The following MME variants were observed in gnomAD, a reference collection of about 807,000 sequenced individuals.
The protein encoded by MME is neprilysin.
MME carries 98 observed loss-of-function variants against 113.2 expected under a neutral mutation model. That is an observed-to-expected ratio of 0.87 (90% CI 0.74 to 1.02). The LOEUF is 1.02. MME is among the 50% of genes least tolerant of loss of function. The pLI, the probability that MME is intolerant of heterozygous loss-of-function variation, is 0.00. For missense variants in MME, 836 were observed against 896.0 expected, an observed-to-expected ratio of 0.93 and a Z score of 0.86; for synonymous variants, 292 against 300.6, an observed-to-expected ratio of 0.97 and a Z score of 0.30.
chr3:155,119,404 C>T lies in MME; in HGVS notation c.720+593C>T, dbSNP rs543052095. ...CTTGCCTCCCTTGGGCTGATGTTCA[C>T]GTGCTCTTTTTTTTTTTTTTTTTTT... On this transcript the variant is annotated intron_variant, in intron 8 of 22. Transcript: ENST00000360490. Among the ~76,000 whole-genome samples the T allele has an allele frequency of 3.7e-5, 5 of 133,826 alleles. No individual in the cohort carries two copies. In the South Asian group the frequency reaches 7.6e-4, roughly 20 times the overall value. The allele number at this position is 133,826 out of a possible 152,430, so 87.8% of individuals were successfully genotyped here.
chr3:155,113,451 T>G (rs1718350467), intron 3 of MME, among the ~76,000 whole-genome samples: 1 of 152,142 alleles, frequency 6.6e-6, no homozygotes, highest in African/African-American at 2.4e-5. Context: ...AGCTAATTTT[T>G]GTATTTTTAG....
At chr3:155,150,680 A>C (rs1721859595) in intron 16 of MME, among the ~76,000 whole-genome samples, 1 of 152,150 alleles carries the variant, frequency 6.6e-6, no homozygotes, top group Admixed American at 6.5e-5. Context: ...TGGAACCCAG[A>C]TACTGGTATT....
chr3:155,138,727 C>T (rs900072360), intron 9 of MME, among the ~76,000 whole-genome samples: 8 of 152,084 alleles, frequency 5.3e-5, no homozygotes, highest in Non-Finnish European at 1.2e-4. Flanking sequence ...GCTGAGCTGA[C>T]GGAGGGTAAG....
In MME at chr3:155,094,962, C is replaced by CT. The variant is rs1716612920; in HGVS notation, c.196+9869dup. On this transcript the variant is annotated intron_variant, in intron 3 of 22. Coordinates refer to ENST00000360490, the MANE Select transcript of MME (RefSeq NM_007289.4). Reference sequence around the variant, plus strand: ...CACTGAGAATGTGCAAAAATGCAGTCTCGGGCTCCGCCTCAGACCTACTGA... The same window carrying CT: ...CACTGAGAATGTGCAAAAATGCAGTCTTCGGGCTCCGCCTCAGACCTACTGA... 3.9e-5 allele frequency among the ~76,000 whole-genome samples: 6 copies of CT among 152,304 alleles called. No homozygotes were observed. The South Asian group carries it at 1.2e-3, about 32-fold the overall frequency.
At chr3:155,160,542 A>G (rs1722643568) in intron 17 of MME, 94 bp downstream of exon 17, 1 of 837,146 alleles carries the variant, frequency 1.2e-6, no homozygotes, top group Admixed American at 1.7e-5. Context: ...CTAAACAAGC[A>G]CAGCTGAGGC....
chr3:155,036,886 G>C (rs1056763695), intron 1 of MME, among the ~76,000 whole-genome samples: 1 of 151,978 alleles, frequency 6.6e-6, no homozygotes, highest in African/African-American at 2.4e-5. Flanking sequence ...TTTAAGTTTA[G>C]CTCTATGATT....
At chr3:155,068,613 A>G (rs1223722519) in intron 1 of MME, among the ~76,000 whole-genome samples, 1 of 152,218 alleles carries the variant, frequency 6.6e-6, no homozygotes, top group African/African-American at 2.4e-5. Context: ...CTAGCATAGC[A>G]TGTGCTAAAG....
In MME at chr3:155,140,298, T is replaced by C. The variant is rs1427752924; in HGVS notation, c.957+6T>C. On this transcript the variant is annotated splice_donor_region_variant and intron_variant, in intron 10 of 22. Transcript: ENST00000360490. ...CACTAGAGATCAATGGGAAGGTAAG[T>C]GGTAAGTTTTTTGTGCTCTCTTATT... 7.6e-6 allele frequency: 12 copies of C among 1,587,638 alleles called. No individual in the cohort carries two copies. The highest frequency in any genetic ancestry group is 2.2e-5 in the South Asian group (2 of 90,488).
At chr3:155,067,160 G>T in intron 1 of MME, among the ~76,000 whole-genome samples, 1 of 140,114 alleles carries the variant, frequency 7.1e-6, no homozygotes. Context: ...TTTATTTGTA[G>T]TTATTATTCC....
chr3:155,108,637 C>T (rs908369051), intron 3 of MME, among the ~76,000 whole-genome samples: 2 of 151,408 alleles, frequency 1.3e-5, no homozygotes, highest in Admixed American at 6.6e-5. Context: ...AATAGTACTA[C>T]AGCACAAAAC....
chr3:155,162,302 C>T (rs1271380415), intron 17 of MME, among the ~76,000 whole-genome samples: 1 of 152,114 alleles, frequency 6.6e-6, no homozygotes, highest in East Asian at 1.9e-4. Flanking sequence ...CCAAATTGGC[C>T]CACTTCAGGG....
intron 1 of MME, among the ~76,000 whole-genome samples, chr3:155,058,030 AC>A (rs1439698650): frequency 6.6e-6 from 1 of 152,196 alleles, no homozygotes; most frequent in Non-Finnish European, 1.5e-5. Flanking sequence ...AAAGCACAGG[AC>A]AAGTTTCTCT....
chr3:155,049,627 ATATCTATCTATCTATCTATCTATC>A (rs56832533), intron 1 of MME, among the ~76,000 whole-genome samples: 12 of 147,198 alleles, frequency 8.2e-5, no homozygotes, highest in East Asian at 6.1e-4. Flanking sequence ...TCATCTTAGT[ATATCTATCTATCTATCTATCTATC>A]TATCTATCTA....
chr3:155,082,409 G>C (rs1338224365), intron 1 of MME, among the ~76,000 whole-genome samples: 3 of 152,126 alleles, frequency 2.0e-5, no homozygotes, highest in Non-Finnish European at 4.4e-5. Flanking sequence ...TGGGGAGACT[G>C]GGAGAATTAT....
intron 1 of MME, among the ~76,000 whole-genome samples, chr3:155,059,170 G>A (rs914705046): frequency 2.5e-4 from 37 of 148,414 alleles, no homozygotes; most frequent in African/African-American, 8.8e-4. Context: ...CTGGAGAATC[G>A]CTTGAACCCG....
At chr3:155,057,203 A>G (rs1044998324) in intron 1 of MME, among the ~76,000 whole-genome samples, 4 of 152,300 alleles carry the variant, frequency 2.6e-5, no homozygotes, top group South Asian at 4.1e-4. Flanking sequence ...CTCATCTGAC[A>G]AAGGGCTAAT....
rs758858771 is a variant in MME at position 155,172,211 on chromosome 3, A to G, written c.2075A>G (p.Gln692Arg). 6.3e-6 allele frequency: 10 copies of G among 1,592,192 alleles called. No individual in the cohort carries two copies. The highest frequency in any genetic ancestry group is 8.6e-6 in the Non-Finnish European group (10 of 1,160,436). The change falls in exon 21 of 23, where the codon CAG (glutamine) becomes CGG (arginine). Residue 692 changes from glutamine (Q) to arginine (R), a missense_variant and splice_region_variant. Physicochemically the swap from Gln to Arg is conservative, Grantham distance 43 (BLOSUM62 1). Coordinates refer to ENST00000360490, the MANE Select transcript of MME (RefSeq NM_007289.4). The part of the protein sequence containing the change: ...HKQLFFLNFA[Q>R]VWCGTYRPEY... ...CAACTATTTTTCTTGAACTTTGCACAGGTATTGTGTCTTTCTTGATTGATA... is the reference window on the plus strand; with the variant it reads ...CAACTATTTTTCTTGAACTTTGCACGGGTATTGTGTCTTTCTTGATTGATA...
chr3:155,171,236 C>T (rs1452637404), intron 20 of MME, among the ~76,000 whole-genome samples: 2 of 152,136 alleles, frequency 1.3e-5, no homozygotes, highest in Non-Finnish European at 2.9e-5. Flanking sequence ...ACGTGTAATG[C>T]CTTGCCCCCC....
chr3:155,138,047 C>T (rs1317954273), intron 8 of MME, 55 bp from the exon 9 acceptor site: 47 of 1,585,986 alleles, frequency 3.0e-5, no homozygotes, highest in Non-Finnish European at 4.0e-5. Context: ...ATTTTAAGTA[C>T]CATGATGAAT....
Sources: gnomAD v4.1 joint callset for allele counts (sites outside exome capture counted in the v4.1 genomes callset) on GRCh38, gnomAD v4.1.1 for gene constraint, MANE v1.5 for transcripts, NCBI Gene and HGNC (gene_info 2026-07-23, HGNC 2026-07-21) for gene names.